PIEZO2: variants seen among roughly 807,000 people sequenced by gnomAD.
PIEZO2 encodes piezo type mechanosensitive ion channel component 2.
Under a neutral mutation model 337.3 loss-of-function variants are expected in PIEZO2, and 172 were observed. The ratio of observed to expected loss-of-function variants is 0.51; its 90% CI spans 0.45 to 0.58. The LOEUF (loss-of-function observed/expected upper bound fraction) is 0.58. Ranked by LOEUF, PIEZO2 falls within the 20% of genes least tolerant of loss-of-function variation. PIEZO2 has a pLI of 0.00. For synonymous variants in PIEZO2, 1,251 were observed against 1,228.5 expected, an observed-to-expected ratio of 1.02 and a Z score of -0.38; for missense variants, 3,028 against 3,391.3, an observed-to-expected ratio of 0.89 and a Z score of 2.66.
chr18:11,018,239 G>T (rs963300412), intron 2 of PIEZO2, among the ~76,000 whole-genome samples: 4 of 151,110 alleles, frequency 2.6e-5, no homozygotes, highest in Non-Finnish European at 4.4e-5. Context: ...GTGTGTGTGT[G>T]TGTGTTCTCT....
rs1369491952 is a variant in PIEZO2 at position 11,094,491 on chromosome 18, G to A, written c.65-28269C>T. Among the ~76,000 whole-genome samples, 1 of 152,160 alleles carries A rather than the reference G, an allele frequency of 6.6e-6. No homozygotes were observed. The highest frequency in any genetic ancestry group is 1.5e-5 in the Non-Finnish European group (1 of 68,036). On this transcript the variant is annotated intron_variant, in intron 1 of 55. Coordinates refer to ENST00000674853, the MANE Select transcript of PIEZO2 (RefSeq NM_001378183.1). This position sits in a 1 kb window ranked among gnomAD's most constrained non-coding sequence, Gnocchi z 4.4. Reference sequence around the variant, plus strand: ...GACCAACATGCAGGAGACTCAGACAGTTGTAGGTGCCTGAGAGTAACAGCA... The same window carrying A: ...GACCAACATGCAGGAGACTCAGACAATTGTAGGTGCCTGAGAGTAACAGCA...
chr18:10,955,941 T>C (rs1314999106), intron 3 of PIEZO2, among the ~76,000 whole-genome samples: 1 of 152,230 alleles, frequency 6.6e-6, no homozygotes, highest in Non-Finnish European at 1.5e-5. Context: ...CAATAAATAT[T>C]TGTTAGATGA....
At chr18:11,017,725 G>A (rs886956569) in intron 2 of PIEZO2, among the ~76,000 whole-genome samples, 1 of 152,184 alleles carries the variant, frequency 6.6e-6, no homozygotes, top group Admixed American at 6.5e-5. Flanking sequence ...CGCATTGATA[G>A]ACTATTTTAA....
chr18:11,045,429 C>T (rs530932560), intron 2 of PIEZO2, among the ~76,000 whole-genome samples: 1 of 152,006 alleles, frequency 6.6e-6, no homozygotes, highest in Non-Finnish European at 1.5e-5. Context: ...GTATTTTCTC[C>T]GTGAGACACA....
rs775840262 is a variant in PIEZO2 at position 10,696,527 on chromosome 18, G to T, written c.6840C>A (p.Ile2280=). 2.5e-6 allele frequency: 4 copies of T among 1,613,348 alleles called. No individual in the cohort carries two copies. The South Asian group carries it at 3.3e-5, about 13-fold the overall frequency. ...AAAAGAACTGTTTGATGGGCACATAGATCTCCAGCGTCCTGCAAAATGGAG... is the reference window on the plus strand; with the variant it reads ...AAAAGAACTGTTTGATGGGCACATATATCTCCAGCGTCCTGCAAAATGGAG... ...KAFTIKKTLE[I]YVPIKQFFYN... is the part of the protein sequence containing the mutation. The change falls in exon 46 of 56, where the codon ATC becomes ATA. Residue 2280 remains isoleucine, a synonymous_variant. Transcript: ENST00000674853.
At chr18:10,967,621 T>A (rs187649799) in intron 3 of PIEZO2, among the ~76,000 whole-genome samples, 1 of 152,138 alleles carries the variant, frequency 6.6e-6, no homozygotes, top group Non-Finnish European at 1.5e-5. Context: ...TATTTTTTTT[T>A]ATTATGGCCA....
At chr18:10,741,922 G>T (rs981618119) in intron 32 of PIEZO2, among the ~76,000 whole-genome samples, 2 of 152,232 alleles carry the variant, frequency 1.3e-5, no homozygotes, top group East Asian at 3.9e-4. Context: ...GGGAGGCCGA[G>T]GTGGGCGGAT....
intron 36 of PIEZO2, 47 bp from the exon 37 acceptor site, chr18:10,718,306 A>C (rs764979883): frequency 1.4e-6 from 2 of 1,427,378 alleles, no homozygotes; most frequent in Middle Eastern, 3.5e-4. Context: ...ATCTAGGGTA[A>C]ATTAAATGCC....
Position 10,854,495 on chromosome 18 carries a change from C to T in PIEZO2, c.917+858G>A, listed in dbSNP as rs975099645. Among the ~76,000 whole-genome samples, 11 of 152,098 alleles carry T rather than the reference C, an allele frequency of 7.2e-5. No homozygotes were observed. The highest frequency in any genetic ancestry group is 2.7e-4 in the African/African-American group (11 of 41,482). On this transcript the variant is annotated intron_variant, in intron 7 of 55. Transcript: ENST00000674853. This position sits in a 1 kb window ranked among gnomAD's most constrained non-coding sequence, Gnocchi z 4.6. ...TTCTCTAATTCTATTATTCCTTTGCCCTGTCATTATCTAACATCATCCTGC... is the reference window on the plus strand; with the variant it reads ...TTCTCTAATTCTATTATTCCTTTGCTCTGTCATTATCTAACATCATCCTGC...
intron 1 of PIEZO2, among the ~76,000 whole-genome samples, chr18:11,142,331 T>G (rs2040676759): frequency 6.6e-6 from 1 of 152,246 alleles, no homozygotes; most frequent in Non-Finnish European, 1.5e-5. Flanking sequence ...TAAGAAATTA[T>G]GAAATTATTA....
intron 3 of PIEZO2, among the ~76,000 whole-genome samples, chr18:10,975,143 A>G (rs1261167330): frequency 2.6e-5 from 4 of 152,258 alleles, no homozygotes; most frequent in Non-Finnish European, 5.9e-5. Flanking sequence ...TATAAACAGG[A>G]GATATTATCA....
rs926064903 is a variant in PIEZO2 at position 11,027,341 on chromosome 18, G to A, written c.160+38786C>T. 6.6e-6 allele frequency among the ~76,000 whole-genome samples: 1 copy of A among 152,194 alleles called. No individual in the cohort carries two copies. The highest frequency in any genetic ancestry group is 2.4e-5 in the African/African-American group (1 of 41,460). On this transcript the variant is annotated intron_variant, in intron 2 of 55. Transcript: ENST00000674853. This position sits in a 1 kb window ranked among gnomAD's most constrained non-coding sequence, Gnocchi z 4.2. ...TGTGTGTGAATAAAGGAAGGACTGC[G>A]ACTGTCAATTCACCAGTGAGGCAAG...
At chr18:10,705,056 C>T (rs895174188) in intron 41 of PIEZO2, among the ~76,000 whole-genome samples, 4 of 152,026 alleles carry the variant, frequency 2.6e-5, no homozygotes, top group South Asian at 2.1e-4. Context: ...GCTGTGTTCC[C>T]GGCTTCCTGT....
At chr18:10,875,941 C>T (rs1466011926) in intron 4 of PIEZO2, among the ~76,000 whole-genome samples, 2 of 152,242 alleles carry the variant, frequency 1.3e-5, no homozygotes, top group African/African-American at 2.4e-5. Context: ...GCGACCCCTA[C>T]TTAGAATGGA....
Position 10,704,452 on chromosome 18 carries a change from A to G in PIEZO2, c.6200T>C (p.Met2067Thr). Residue 2067 changes from methionine (M) to threonine (T), a missense_variant, in exon 42 of 56, where the codon ATG becomes ACG. By Grantham distance (81) the Met-to-Thr change is moderately conservative. Coordinates refer to ENST00000674853, the MANE Select transcript of PIEZO2 (RefSeq NM_001378183.1). Reference protein sequence around the residue: ...LLPILIFLWAMLSVPRPSRRF... With the variant: ...LLPILIFLWATLSVPRPSRRF... ...GCGGCTGGGCCTGGGGACGGACAAC[A>G]TGGCCCAGAGGAAGATGAGGATGGG... 1 of 1,537,236 alleles carries G rather than the reference A, an allele frequency of 6.5e-7. No individual in the cohort carries two copies. The highest frequency in any genetic ancestry group is 1.7e-4 in the Middle Eastern group (1 of 5,988).
intron 2 of PIEZO2, among the ~76,000 whole-genome samples, chr18:11,023,703 C>T (rs752346447): frequency 2.0e-5 from 3 of 152,188 alleles, no homozygotes; most frequent in Non-Finnish European, 4.4e-5. Context: ...CAGGGGGCGG[C>T]GCTCGTCCGG....
intron 11 of PIEZO2, among the ~76,000 whole-genome samples, chr18:10,799,642 C>G (rs2039733233): frequency 6.6e-6 from 1 of 152,146 alleles, no homozygotes; most frequent in South Asian, 2.1e-4. Context: ...GTTAAGACAA[C>G]CTCGTTTTTT....
rs2043105353 is a variant in PIEZO2 at position 10,903,644 on chromosome 18, G to A, written c.329+7542C>T. On this transcript the variant is annotated intron_variant, in intron 4 of 55. Coordinates refer to ENST00000674853, the MANE Select transcript of PIEZO2 (RefSeq NM_001378183.1). This position sits in a 1 kb window ranked among gnomAD's most constrained non-coding sequence, Gnocchi z 4.1. Reference sequence around the variant, plus strand: ...GCCGAGATCACACCACTGCACTCCAGCCTGGGCGACAGAGCAAGACTCCAT... The same window carrying A: ...GCCGAGATCACACCACTGCACTCCAACCTGGGCGACAGAGCAAGACTCCAT... Among the ~76,000 whole-genome samples the A allele has an allele frequency of 6.6e-6, 1 of 151,998 alleles. No individual in the cohort carries two copies. Among genetic ancestry groups the A allele is most frequent in the Admixed American group, 6.6e-5 (1 of 15,248 alleles).
chr18:10,765,361 T>C (rs146549373), intron 21 of PIEZO2, among the ~76,000 whole-genome samples: 2,637 of 152,212 alleles, frequency 0.017, 44 homozygotes, highest in South Asian at 0.06. Flanking sequence ...TCCAGCGTCT[T>C]AGAGTGTCCA....
Sources: gnomAD v4.1 joint callset for allele counts (sites outside exome capture counted in the v4.1 genomes callset) on GRCh38, gnomAD v4.1.1 for gene constraint, Gnocchi (gnomAD v3.1) non-coding constraint, MANE v1.5 for transcripts, NCBI Gene and HGNC (gene_info 2026-07-23, HGNC 2026-07-21) for gene names.